The following VBP1 variants were observed in gnomAD, a reference collection of about 807,000 sequenced individuals.
VBP1 encodes prefoldin subunit 3.
A neutral mutation model predicts 15.5 loss-of-function variants in VBP1; 4 were observed. The observed-to-expected ratio is 0.26, with a 90% confidence interval of 0.13 to 0.59. The LOEUF is 0.59. VBP1 is among the 20% of genes least tolerant of loss of function. The probability of loss-of-function intolerance (pLI) is 0.90; values close to 1 mark genes in which losing one functional copy is unlikely to be tolerated. For synonymous variants in VBP1, 61 were observed against 52.1 expected (o/e 1.17, Z -0.74); for missense variants, 108 against 139.6 (o/e 0.77, Z 1.14).
chrX:155,231,277 C>G (rs1474455117), intron 4 of VBP1, among the ~76,000 whole-genome samples: 1 of 111,901 alleles, frequency 8.9e-6, no homozygotes, highest in African/African-American at 3.3e-5. Context: ...TGGTGGCCCC[C>G]TAACTGTTCC....
chrX:155,216,359 C>G (rs2074662931), upstream of VBP1: 1 of 1,110,130 alleles, frequency 9.0e-7, no homozygotes, highest in Admixed American at 3.0e-5. Context: ...TTGTGGGGGA[C>G]GCTCCCTGCG....
chrX:155,201,009 G>A (rs1336759271), intron 1 of VBP1, among the ~76,000 whole-genome samples: 2 of 111,762 alleles, frequency 1.8e-5, no homozygotes, highest in African/African-American at 6.5e-5. Context: ...AGAAAATCTA[G>A]AAGAAATGGA....
In VBP1 at chrX:155,220,210, C is replaced by T; in HGVS notation, c.121C>T (p.Pro41Ser). 3 of 1,197,653 alleles carry T rather than the reference C, an allele frequency of 2.5e-6. No homozygotes were observed. Among genetic ancestry groups the T allele is most frequent in the Admixed American group, 4.5e-5 (2 of 44,729 alleles). Residue 41 changes from proline to serine, a missense_variant, in exon 2 of 6, where the codon CCT (proline) becomes TCT (serine). Transcript: ENST00000286428. Reference sequence around the variant, plus strand: ...AGATGTAGATTCCTTCATGAAACAGCCTGGGAATGAGACTGCAGATACAGT... The same window carrying T: ...AGATGTAGATTCCTTCATGAAACAGTCTGGGAATGAGACTGCAGATACAGT... ...VEDVDSFMKQ[P>S]GNETADTVLK... is the part of the protein sequence containing the mutation.
At chrX:155,217,482 C>T (rs5940453) in intron 1 of VBP1, among the ~76,000 whole-genome samples, 3,031 of 112,696 alleles carry the variant, frequency 0.027, 44 homozygotes, top group South Asian at 0.043. Flanking sequence ...GGAAGTTTCT[C>T]AATCTTTTGG....
chrX:155,219,267 C>T (rs1386769546), intron 1 of VBP1, among the ~76,000 whole-genome samples: 1 of 112,331 alleles, frequency 8.9e-6, no homozygotes, highest in African/African-American at 3.2e-5. Context: ...TACTAGACGA[C>T]TCTTGTAGCA....
intron 1 of VBP1, among the ~76,000 whole-genome samples, chrX:155,197,891 G>T (rs2074584416): frequency 8.9e-6 from 1 of 112,212 alleles, no homozygotes; most frequent in East Asian, 2.8e-4. Context: ...CTGGAAAATC[G>T]GGTCACTCCC....
intron 1 of VBP1, among the ~76,000 whole-genome samples, chrX:155,198,787 G>A (rs2074589164): frequency 8.9e-6 from 1 of 112,070 alleles, no homozygotes; most frequent in Non-Finnish European, 1.9e-5. Context: ...GAGAGAAGAA[G>A]GCTTCAGATG....
upstream of VBP1, among the ~76,000 whole-genome samples, chrX:155,211,681 T>C (rs1254984684): frequency 8.9e-6 from 1 of 112,436 alleles, no homozygotes; most frequent in Non-Finnish European, 1.9e-5. Context: ...TTTTAGGAGT[T>C]AGTCCTGAGC....
At chrX:155,218,798 A>G (rs1005165406) in intron 1 of VBP1, among the ~76,000 whole-genome samples, 7 of 111,993 alleles carry the variant, frequency 6.3e-5, no homozygotes, top group African/African-American at 1.6e-4. Flanking sequence ...TGATGAGGAA[A>G]TTGAGGCAAA....
intron 1 of VBP1, among the ~76,000 whole-genome samples, chrX:155,206,664 T>C (rs2074627560): frequency 9.1e-6 from 1 of 109,518 alleles, no homozygotes; most frequent in Non-Finnish European, 1.9e-5. Flanking sequence ...CAACTAGGGG[T>C]GAGTGGAGAA....
At chrX:155,200,182 C>T (rs1557307235) in intron 1 of VBP1, among the ~76,000 whole-genome samples, 1 of 105,805 alleles carries the variant, frequency 9.5e-6, no homozygotes, top group African/African-American at 3.5e-5. Context: ...ACCCCACTGT[C>T]AACATTAGGC....
At chrX:155,203,364 T>C (rs1289975447) in intron 1 of VBP1, among the ~76,000 whole-genome samples, 2 of 111,065 alleles carry the variant, frequency 1.8e-5, no homozygotes, top group Non-Finnish European at 3.8e-5. Context: ...CCAACCCAGA[T>C]GTCCAACAAT....
intron 5 of VBP1, among the ~76,000 whole-genome samples, chrX:155,237,114 G>A (rs1055156135): frequency 3.6e-5 from 4 of 111,777 alleles, no homozygotes; most frequent in African/African-American, 6.5e-5. Context: ...TTTTAAAGGC[G>A]GCGTAGGGTT....
chrX:155,228,570 G>A, intron 4 of VBP1, 88 bp downstream of exon 4: 1 of 746,100 alleles, frequency 1.3e-6, no homozygotes, highest in East Asian at 3.3e-5. Flanking sequence ...GTATTTGCTA[G>A]TATTTTAGTA....
chrX:155,210,478 G>A (rs1329677529), intron 2 of VBP1, among the ~76,000 whole-genome samples: 1 of 111,488 alleles, frequency 9.0e-6, no homozygotes, highest in African/African-American at 3.3e-5. Context: ...TATGCCATGT[G>A]TCATACAGGC....
intron 2 of VBP1, among the ~76,000 whole-genome samples, chrX:155,225,221 G>A: frequency 9.0e-6 from 1 of 111,449 alleles, no homozygotes; most frequent in South Asian, 3.8e-4. Context: ...GGAGGTGGGG[G>A]TAATTTAAGT....
intron 3 of VBP1, 21 bp from the exon 4 acceptor site, chrX:155,228,363 A>ATTTTTT: frequency 4.2e-6 from 4 of 943,333 alleles, no homozygotes; most frequent in Admixed American, 2.7e-5. Context: ...TGGTACTGTC[A>ATTTTTT]TTTTTTTTTT....
chrX:155,223,049 A>AT (rs1392330575), intron 2 of VBP1, among the ~76,000 whole-genome samples: 1 of 90,751 alleles, frequency 1.1e-5, no homozygotes, highest in Non-Finnish European at 2.1e-5. Context: ...CAACAAAACT[A>AT]TTTTTGTGTC....
At chrX:155,228,876 C>T (rs1569560968) in intron 4 of VBP1, among the ~76,000 whole-genome samples, 3 of 112,276 alleles carry the variant, frequency 2.7e-5, no homozygotes, top group Admixed American at 9.4e-5. Flanking sequence ...TTTAATAATT[C>T]TAGAAAGATC....
Sources: gnomAD v4.1 joint callset for allele counts (sites outside exome capture counted in the v4.1 genomes callset) on GRCh38, gnomAD v4.1.1 for gene constraint, MANE v1.5 for transcripts, NCBI Gene and HGNC (gene_info 2026-07-23, HGNC 2026-07-21) for gene names.